Variants in CSMD1 observed in about 807,000 individuals in gnomAD.
CSMD1 encodes CUB and sushi domain-containing protein 1.
Under a neutral mutation model 417.5 loss-of-function variants are expected in CSMD1, and 213 were observed. That is an observed-to-expected ratio of 0.51 (90% CI 0.46 to 0.57). The LOEUF (loss-of-function observed/expected upper bound fraction) is 0.57. Ranked by LOEUF, CSMD1 falls within the 20% of genes least tolerant of loss-of-function variation. The probability of loss-of-function intolerance (pLI) is 0.00; values close to 1 mark genes in which losing one functional copy is unlikely to be tolerated. For synonymous variants in CSMD1, 2,862 were observed against 1,736.8 expected, an observed-to-expected ratio of 1.65 and a Z score of -16.11; for missense variants, 6,923 against 4,529.7, an observed-to-expected ratio of 1.53 and a Z score of -15.17.
intron 2 of CSMD1, among the ~76,000 whole-genome samples, chr8:4,495,847 T>G (rs1801953082): frequency 6.6e-6 from 1 of 152,176 alleles, no homozygotes; most frequent in African/African-American, 2.4e-5. Flanking sequence ...TTAGAATTAT[T>G]AATGTAAGTG....
At chr8:4,057,799 C>T (rs186405662) in intron 3 of CSMD1, among the ~76,000 whole-genome samples, 2 of 152,258 alleles carry the variant, frequency 1.3e-5, no homozygotes, top group Non-Finnish European at 2.9e-5. Context: ...GACTCCTTTC[C>T]CCATTGCTTG....
chr8:4,447,913 G>C (rs977116296), intron 2 of CSMD1, among the ~76,000 whole-genome samples: 2 of 152,270 alleles, frequency 1.3e-5, no homozygotes, highest in Admixed American at 1.3e-4. Flanking sequence ...TCATCTTTCG[G>C]AAATGACGAC....
chr8:3,696,994 C>G (rs940350112), intron 7 of CSMD1, among the ~76,000 whole-genome samples: 6 of 152,102 alleles, frequency 3.9e-5, no homozygotes, highest in Admixed American at 3.3e-4. Flanking sequence ...GCCCCAGGAT[C>G]CAGTAGGTCA....
At chr8:4,643,864 T>A (rs1402588597) in intron 1 of CSMD1, among the ~76,000 whole-genome samples, 1 of 152,190 alleles carries the variant, frequency 6.6e-6, no homozygotes, top group Non-Finnish European at 1.5e-5. Flanking sequence ...AATTAAAGTC[T>A]TCAGGCATTT....
At chr8:3,060,994 C>G (rs1812555399) in intron 49 of CSMD1, among the ~76,000 whole-genome samples, 1 of 152,028 alleles carries the variant, frequency 6.6e-6, no homozygotes, top group Non-Finnish European at 1.5e-5. Flanking sequence ...AAACCATGAT[C>G]AAATATGCAC....
At chr8:3,984,594 A>T (rs891077301) in intron 5 of CSMD1, among the ~76,000 whole-genome samples, 1 of 150,918 alleles carries the variant, frequency 6.6e-6, no homozygotes, top group Non-Finnish European at 1.5e-5. Flanking sequence ...TGGATTCTTC[A>T]AGTAAGAAAA....
At chr8:4,933,795 G>C (rs566078380) in intron 1 of CSMD1, among the ~76,000 whole-genome samples, 51 of 152,260 alleles carry the variant, frequency 3.3e-4, no homozygotes, top group African/African-American at 1.2e-3. Flanking sequence ...TCCTTCTAAA[G>C]GGACCTAGAT....
chr8:4,188,133 C>T (rs974110533), intron 3 of CSMD1, among the ~76,000 whole-genome samples: 3 of 152,076 alleles, frequency 2.0e-5, no homozygotes, highest in African/African-American at 7.2e-5. Flanking sequence ...TTTTAAGGTA[C>T]TGCCACACAC....
rs1196002717 is a variant in CSMD1 at position 4,950,320 on chromosome 8, A to T, written c.85+44012T>A. 3.3e-5 allele frequency among the ~76,000 whole-genome samples: 5 copies of T among 152,324 alleles called. No individual in the cohort carries two copies. In the East Asian group the frequency reaches 7.7e-4, roughly 23 times the overall value. Reference sequence around the variant, plus strand: ...AGTAAGTAAATGATTTTCTCAAGTGACATTTGCAGTTGTCTTTAAAAGACA... The same window carrying T: ...AGTAAGTAAATGATTTTCTCAAGTGTCATTTGCAGTTGTCTTTAAAAGACA... On this transcript the variant is annotated intron_variant, in intron 1 of 69. Coordinates refer to ENST00000635120, the MANE Select transcript of CSMD1 (RefSeq NM_033225.6).
chr8:3,206,589 G>A (rs1357820635), intron 30 of CSMD1, among the ~76,000 whole-genome samples: 1 of 138,562 alleles, frequency 7.2e-6, no homozygotes, highest in African/African-American at 2.7e-5. Flanking sequence ...GTATGTGTGG[G>A]GGGCGTATGT....
chr8:3,191,978 TC>T (rs1293409430), intron 33 of CSMD1, among the ~76,000 whole-genome samples: 2 of 152,312 alleles, frequency 1.3e-5, no homozygotes, highest in East Asian at 1.9e-4. Context: ...CACGGCTTTT[TC>T]TGACACACTG....
intron 2 of CSMD1, among the ~76,000 whole-genome samples, chr8:4,439,332 A>T (rs973240736): frequency 1.3e-5 from 2 of 152,162 alleles, no homozygotes; most frequent in African/African-American, 4.8e-5. Flanking sequence ...GTTAAATATA[A>T]TTATTCAAAA....
At chr8:3,230,304 C>A in intron 26 of CSMD1, 73 bp from the exon 27 acceptor site, 2 of 1,280,036 alleles carry the variant, frequency 1.6e-6, no homozygotes, top group Admixed American at 2.9e-5. Context: ...TGTGGTTGTT[C>A]TTGTGGGTTG....
At chr8:4,601,856 G>A (rs568086002) in intron 2 of CSMD1, among the ~76,000 whole-genome samples, 1 of 152,170 alleles carries the variant, frequency 6.6e-6, no homozygotes, top group Non-Finnish European at 1.5e-5. Context: ...CCTGGGTTCT[G>A]AGTCAGAAGC....
chr8:4,741,308 T>A (rs1478266), intron 1 of CSMD1, among the ~76,000 whole-genome samples: 52,330 of 152,076 alleles, frequency 0.34, 10,072 homozygotes, highest in Admixed American at 0.47. Flanking sequence ...TTACTGCATT[T>A]TAAAAACAGG....
intron 25 of CSMD1, among the ~76,000 whole-genome samples, chr8:3,305,782 C>CCATT (rs1804789924): frequency 6.6e-6 from 1 of 152,286 alleles, no homozygotes; most frequent in African/African-American, 2.4e-5. Flanking sequence ...TGGGTTCACA[C>CCATT]CATTCTCCTG....
chr8:3,757,482 C>G (rs1171466244), intron 5 of CSMD1, among the ~76,000 whole-genome samples: 2 of 152,130 alleles, frequency 1.3e-5, no homozygotes, highest in African/African-American at 2.4e-5. Context: ...AGTCACTTAA[C>G]AATGTGAAAG....
At chr8:3,015,682 G>A (rs1420900299) in intron 52 of CSMD1, among the ~76,000 whole-genome samples, 1 of 151,790 alleles carries the variant, frequency 6.6e-6, no homozygotes, top group Non-Finnish European at 1.5e-5. Flanking sequence ...CGTTTACCCC[G>A]GCATGGTCCA....
intron 5 of CSMD1, among the ~76,000 whole-genome samples, chr8:3,923,567 A>T (rs1381255489): frequency 6.6e-6 from 1 of 152,196 alleles, no homozygotes; most frequent in Non-Finnish European, 1.5e-5. Flanking sequence ...TGAAATAATT[A>T]AATGAAGCTA....
Sources: allele counts gnomAD v4.1 joint callset (sites outside exome capture counted in the v4.1 genomes callset), GRCh38; gene constraint gnomAD v4.1.1; transcripts MANE v1.5; gene names NCBI Gene and HGNC (gene_info 2026-07-23, HGNC 2026-07-21).